AMPH: variants seen among roughly 807,000 people sequenced by gnomAD.
AMPH encodes amphiphysin, also known as amphiphysin (Stiff-Mann syndrome with breast cancer 128kD autoantigen).
Under a neutral mutation model 99.1 loss-of-function variants are expected in AMPH, and 49 were observed. That is an observed-to-expected ratio of 0.49 (90% confidence interval 0.39 to 0.63). The LOEUF is 0.63. Ranked by LOEUF, AMPH falls within the 20% of genes least tolerant of loss-of-function variation. The pLI is 0.00. For missense variants in AMPH, 759 were observed against 863.4 expected (o/e 0.88, Z 1.52); for synonymous variants, 314 against 317.3 (o/e 0.99, Z 0.11).
chr7:38,453,550 T>A (rs1004353506), intron 11 of AMPH, among the ~76,000 whole-genome samples: 2 of 152,212 alleles, frequency 1.3e-5, no homozygotes, highest in Non-Finnish European at 2.9e-5. Flanking sequence ...CATCTGTAAT[T>A]TTCAAAAGTG....
intron 1 of AMPH, among the ~76,000 whole-genome samples, chr7:38,550,401 A>G (rs74439453): frequency 0.02 from 3,016 of 152,340 alleles, 113 homozygotes; most frequent in East Asian, 0.14. Flanking sequence ...GGAGGAACCA[A>G]CGTCATTATT....
intron 7 of AMPH, among the ~76,000 whole-genome samples, chr7:38,471,904 A>G (rs916376705): frequency 6.6e-6 from 1 of 152,172 alleles, no homozygotes; most frequent in African/African-American, 2.4e-5. Flanking sequence ...TAAAGAAAAA[A>G]CAGTCAATCC....
chr7:38,411,326 C>T (rs1022903951), intron 17 of AMPH, among the ~76,000 whole-genome samples: 16 of 152,222 alleles, frequency 1.1e-4, no homozygotes, highest in African/African-American at 3.9e-4. Context: ...TTTCAGGACA[C>T]ACACAGTAGT....
At chr7:38,610,234 CAAAAAAAA>C (rs544036143) in intron 1 of AMPH, among the ~76,000 whole-genome samples, 6 of 6,128 alleles carry the variant, frequency 9.8e-4, no homozygotes, top group African/African-American at 3.1e-3. Context: ...TAAGCTCTCT[CAAAAAAAA>C]AAAAAAAAAA....
At chr7:38,596,536 C>A (rs894607186) in intron 1 of AMPH, among the ~76,000 whole-genome samples, 2 of 152,094 alleles carry the variant, frequency 1.3e-5, no homozygotes, top group Non-Finnish European at 2.9e-5. Context: ...AAACTGGGAC[C>A]CTACATTATA....
At chr7:38,406,932 C>A (rs1785026994) in intron 17 of AMPH, among the ~76,000 whole-genome samples, 1 of 148,316 alleles carries the variant, frequency 6.7e-6, no homozygotes, top group Non-Finnish European at 1.5e-5. Context: ...CTGAGCCTTG[C>A]TACTGGTTTC....
chr7:38,520,382 G>C (rs1237303725), intron 2 of AMPH, among the ~76,000 whole-genome samples: 1 of 152,120 alleles, frequency 6.6e-6, no homozygotes, highest in Non-Finnish European at 1.5e-5. Flanking sequence ...TTTAAAAAGA[G>C]GGCTTTGATA....
At chr7:38,390,005 T>C (rs1784445246) in intron 19 of AMPH, 100 bp from the exon 20 acceptor site, 2 of 948,184 alleles carry the variant, frequency 2.1e-6, no homozygotes, top group Non-Finnish European at 3.3e-6. Context: ...GAGGAAGATA[T>C]TTGCCATATC....
At chr7:38,552,907 A>C (rs1381673291) in intron 1 of AMPH, among the ~76,000 whole-genome samples, 1 of 152,190 alleles carries the variant, frequency 6.6e-6, no homozygotes, top group African/African-American at 2.4e-5. Context: ...CCCAGAGACA[A>C]AGATGCAACC....
chr7:38,436,407 A>G lies in AMPH; in HGVS notation c.1018-19T>C, dbSNP rs748463086. On this transcript the variant is annotated intron_variant, in intron 11 of 20. Coordinates refer to ENST00000356264, the MANE Select transcript of AMPH (RefSeq NM_001635.4). ...CTTCATTCTGTTAAAGCAAACAACAAAACAAAATAAAACATGTATTAGCTT... is the reference window on the plus strand; with the variant it reads ...CTTCATTCTGTTAAAGCAAACAACAGAACAAAATAAAACATGTATTAGCTT... The G allele has an allele frequency of 6.5e-7, 1 of 1,544,172 alleles. No homozygotes were observed.
intron 7 of AMPH, 43 bp from the exon 8 acceptor site, chr7:38,466,291 G>T: frequency 6.9e-7 from 1 of 1,459,250 alleles, no homozygotes; most frequent in Non-Finnish European, 9.3e-7. Context: ...GAGAGGGAAA[G>T]ACCAGTCAGT....
Position 38,425,389 on chromosome 7 carries a change from A to T in AMPH, c.1215+1565T>A, listed in dbSNP as rs765390496. ...GTTTTCAGCAAAATAGGAGATTTGT[A>T]TAACTATAGAGTATGGGGTTGAATA... On this transcript the variant is annotated intron_variant, in intron 15 of 20. Coordinates refer to ENST00000356264, the MANE Select transcript of AMPH (RefSeq NM_001635.4). 2.0e-5 allele frequency among the ~76,000 whole-genome samples: 3 copies of T among 152,352 alleles called. No homozygotes were observed. In the South Asian group the frequency reaches 6.2e-4, roughly 32 times the overall value.
chr7:38,432,019 C>T (rs578172666), intron 13 of AMPH, 170 bp downstream of exon 13: 48 of 716,162 alleles, frequency 6.7e-5, no homozygotes, highest in Non-Finnish European at 1.1e-4. Flanking sequence ...CATCATCTTC[C>T]GGTTCTGATA....
At chr7:38,493,889 T>C (rs1010103900) in intron 4 of AMPH, among the ~76,000 whole-genome samples, 7 of 152,116 alleles carry the variant, frequency 4.6e-5, no homozygotes, top group Non-Finnish European at 8.8e-5. Context: ...AAAAATGATA[T>C]TGTTATTTTG....
At chr7:38,432,236 C>A (rs202043930) in intron 12 of AMPH, 24 bp from the exon 13 acceptor site, 1 of 1,604,488 alleles carries the variant, frequency 6.2e-7, no homozygotes, top group African/African-American at 1.3e-5. Context: ...AACAAAAATA[C>A]TGTTAGTTAT....
intron 5 of AMPH, among the ~76,000 whole-genome samples, chr7:38,482,880 G>A (rs927300041): frequency 9.2e-5 from 14 of 152,078 alleles, no homozygotes; most frequent in African/African-American, 2.7e-4. Context: ...GGAAGAATAG[G>A]AAGCCCTGGA....
Position 38,384,638 on chromosome 7 carries a change from A to T in AMPH, c.*180T>A. ...GGGAATGAGTGAGGATTTTTTCCTT[A>T]ATTTACTTTTTTTCCTCTTACATTT... On this transcript the variant is annotated 3_prime_UTR_variant, in exon 21 of 21. Transcript: ENST00000356264. 1 of 522,526 alleles carries T rather than the reference A, an allele frequency of 1.9e-6. No homozygotes were observed. The highest frequency in any genetic ancestry group is 2.9e-5 in the East Asian group (1 of 34,504). 32.4% of individuals were successfully genotyped at this position (522,526 alleles called of 1,614,324 possible). A position where few individuals can be genotyped will look rare whatever the true frequency, so the allele number is the denominator to read the frequency against.
intron 4 of AMPH, among the ~76,000 whole-genome samples, chr7:38,493,501 C>T (rs10248732): frequency 0.36 from 55,033 of 151,722 alleles, 11,366 homozygotes; most frequent in African/African-American, 0.56. Flanking sequence ...CTAAGAAGAT[C>T]AAAGAACTGG....
At chr7:38,491,648 A>G (rs983590245) in intron 4 of AMPH, among the ~76,000 whole-genome samples, 8 of 152,250 alleles carry the variant, frequency 5.3e-5, no homozygotes, top group Non-Finnish European at 1.0e-4. Flanking sequence ...AATATTAGGT[A>G]TTACTATTAT....
Sources: gnomAD v4.1 joint callset for allele counts (sites outside exome capture counted in the v4.1 genomes callset) on GRCh38, gnomAD v4.1.1 for gene constraint, MANE v1.5 for transcripts, NCBI Gene and HGNC (gene_info 2026-07-23, HGNC 2026-07-21) for gene names.